Variants in ASIC2 observed in about 807,000 individuals in gnomAD.
ASIC2 encodes the protein acid-sensing ion channel 2.
A neutral mutation model predicts 57.3 loss-of-function variants in ASIC2; 25 were observed. That is an observed-to-expected ratio of 0.44 (90% CI 0.32 to 0.61). The LOEUF (loss-of-function observed/expected upper bound fraction) is 0.61, where lower values mean the gene tolerates loss of function less well. ASIC2 is among the 20% of genes least tolerant of loss of function. ASIC2 has a pLI of 0.06. For synonymous variants in ASIC2, 319 were observed against 307.5 expected, an observed-to-expected ratio of 1.04 and a Z score of -0.39; for missense variants, 641 against 738.1, an observed-to-expected ratio of 0.87 and a Z score of 1.52.
chr17:33,579,386 C>T (rs898308082), intron 1 of ASIC2, among the ~76,000 whole-genome samples: 74 of 151,818 alleles, frequency 4.9e-4, no homozygotes, highest in African/African-American at 1.4e-3. Flanking sequence ...TCTAACACTC[C>T]GCCTCATTAT....
At chr17:33,585,140 A>C (rs1225384408) in intron 1 of ASIC2, among the ~76,000 whole-genome samples, 12 of 152,182 alleles carry the variant, frequency 7.9e-5, no homozygotes, top group Non-Finnish European at 4.4e-5. Context: ...AAGGAGAGGG[A>C]AAATGATTTG....
chr17:33,799,434 CT>C (rs1196036539), intron 1 of ASIC2, among the ~76,000 whole-genome samples: 2,150 of 30,316 alleles, frequency 0.071, 37 homozygotes, highest in East Asian at 0.14. Context: ...TTTCTTCTTT[CT>C]TTCTTTCTTT....
intron 1 of ASIC2, among the ~76,000 whole-genome samples, chr17:33,161,864 T>G (rs1303075578): frequency 1.3e-5 from 1 of 76,864 alleles, no homozygotes; most frequent in Non-Finnish European, 2.8e-5. Flanking sequence ...TAGGTTTTTT[T>G]TTTTTTTTTT....
chr17:33,124,125 T>C (rs2092314005), intron 1 of ASIC2, among the ~76,000 whole-genome samples: 1 of 152,222 alleles, frequency 6.6e-6, no homozygotes, highest in Non-Finnish European at 1.5e-5. Context: ...ACCACATTCT[T>C]ACTGAGTTCA....
intron 1 of ASIC2, among the ~76,000 whole-genome samples, chr17:33,290,373 C>T (rs1038712043): frequency 2.0e-5 from 3 of 152,232 alleles, no homozygotes; most frequent in African/African-American, 7.2e-5. Context: ...ACACACCAAC[C>T]TTCCCTGCAC....
intron 1 of ASIC2, chr17:34,037,393 A>C (rs955619710): frequency 2.1e-6 from 1 of 472,058 alleles, no homozygotes; most frequent in Non-Finnish European, 3.7e-6. Flanking sequence ...TGACGCTGGA[A>C]CCTCGGGCGG....
intron 1 of ASIC2, among the ~76,000 whole-genome samples, chr17:33,862,826 T>C (rs1408123291): frequency 6.6e-6 from 1 of 152,150 alleles, no homozygotes; most frequent in Non-Finnish European, 1.5e-5. Flanking sequence ...GGGAATGCAA[T>C]TTACTAAATA....
intron 1 of ASIC2, among the ~76,000 whole-genome samples, chr17:34,031,619 A>T (rs1010757212): frequency 1.3e-5 from 2 of 152,204 alleles, no homozygotes; most frequent in South Asian, 4.1e-4. Flanking sequence ...TTTGAAAAAA[A>T]ATTAGACAAA....
At chr17:33,574,908 G>C (rs765854661) in intron 1 of ASIC2, among the ~76,000 whole-genome samples, 6 of 150,006 alleles carry the variant, frequency 4.0e-5, no homozygotes, top group Non-Finnish European at 8.9e-5. Flanking sequence ...ATATTTTATA[G>C]ATGAGGAAAA....
chr17:34,064,665 C>G (rs1388903789), intron 1 of ASIC2, among the ~76,000 whole-genome samples: 5 of 152,086 alleles, frequency 3.3e-5, no homozygotes, highest in Non-Finnish European at 7.4e-5. Flanking sequence ...CTACAACAAA[C>G]TCAAACAAAT....
At chr17:33,925,723 T>A (rs1041459329) in intron 1 of ASIC2, among the ~76,000 whole-genome samples, 2 of 152,134 alleles carry the variant, frequency 1.3e-5, no homozygotes, top group African/African-American at 4.8e-5. Flanking sequence ...ACTTTCCAAA[T>A]CCTCCCAGAC....
intron 1 of ASIC2, among the ~76,000 whole-genome samples, chr17:33,433,378 G>A (rs541970034): frequency 9.9e-5 from 15 of 152,272 alleles, no homozygotes; most frequent in African/African-American, 1.4e-4. Flanking sequence ...AGAGGTGAAC[G>A]CTAGACACTG....
chr17:33,742,270 A>G (rs545816341), intron 1 of ASIC2, among the ~76,000 whole-genome samples: 4 of 152,258 alleles, frequency 2.6e-5, no homozygotes, highest in Non-Finnish European at 5.9e-5. Flanking sequence ...GCAGCCCCCT[A>G]CTGTGCTGTG....
intron 1 of ASIC2, among the ~76,000 whole-genome samples, chr17:33,466,105 A>T (rs34852270): frequency 0.012 from 1,757 of 152,352 alleles, 29 homozygotes; most frequent in African/African-American, 0.038. Context: ...TTTTAAAATT[A>T]AAATCTCCTT....
At chr17:33,863,811 A>T (rs1914157000) in intron 1 of ASIC2, among the ~76,000 whole-genome samples, 1 of 152,218 alleles carries the variant, frequency 6.6e-6, no homozygotes, top group Non-Finnish European at 1.5e-5. Flanking sequence ...TCTTGGGCAC[A>T]GAGCCTTGGC....
At chr17:33,879,855 G>A (rs7220015) in intron 1 of ASIC2, among the ~76,000 whole-genome samples, 67,177 of 152,010 alleles carry the variant, frequency 0.44, 15,113 homozygotes, top group East Asian at 0.59. Flanking sequence ...ATAGTTGGAA[G>A]TAAAGCTCTC....
rs1271258798 is a variant in ASIC2, at chr17:33,292,889, A to T, written c.-774T>A. Reference sequence around the variant, plus strand: ...GCGCCCGCTCTCGCCTGGGGCTGAGAGCTTCTCAGGGCGTCCTGCGGGAGG... The same window carrying T: ...GCGCCCGCTCTCGCCTGGGGCTGAGTGCTTCTCAGGGCGTCCTGCGGGAGG... On this transcript the variant is annotated 5_prime_UTR_variant, in exon 1 of 10. Transcript: ENST00000225823. 1.1e-5 allele frequency: 11 copies of T among 985,344 alleles called. No homozygotes were observed. The highest frequency in any genetic ancestry group is 1.2e-5 in the Non-Finnish European group (10 of 830,016). 61.0% of individuals were successfully genotyped at this position (985,344 alleles called of 1,614,324 possible).
chr17:33,728,934 C>A (rs1360353484), intron 1 of ASIC2, among the ~76,000 whole-genome samples: 1 of 152,064 alleles, frequency 6.6e-6, no homozygotes, highest in Non-Finnish European at 1.5e-5. Context: ...CACATCTGCA[C>A]CCTGGCACTC....
intron 3 of ASIC2, among the ~76,000 whole-genome samples, chr17:33,031,212 T>G (rs2091881835): frequency 1.3e-5 from 2 of 152,170 alleles, no homozygotes; most frequent in African/African-American, 4.8e-5. Context: ...CATTCAGATT[T>G]TCTATTTTTG....
Sources: gnomAD v4.1 joint callset for allele counts (sites outside exome capture counted in the v4.1 genomes callset) on GRCh38, gnomAD v4.1.1 for gene constraint, MANE v1.5 for transcripts, NCBI Gene and HGNC (gene_info 2026-07-23, HGNC 2026-07-21) for gene names.